Variants in SGCD observed in about 807,000 individuals in gnomAD.
SGCD encodes sarcoglycan delta.
SGCD carries 18 observed loss-of-function variants against 36.6 expected under a neutral mutation model. The observed-to-expected ratio is 0.49, with a 90% CI of 0.34 to 0.73. The LOEUF (loss-of-function observed/expected upper bound fraction) is 0.73, where lower values mean the gene tolerates loss of function less well. Among genes scored for constraint, SGCD ranks in the 30% least tolerant of loss-of-function variants. The pLI is 0.01. For synonymous variants in SGCD, 133 were observed against 130.6 expected (o/e 1.02, Z -0.12); for missense variants, 387 against 346.7 (o/e 1.12, Z -0.92).
chr5:155,736,414 G>A, the SGCD span, among the ~76,000 whole-genome samples: 1 of 152,082 alleles, frequency 6.6e-6, no homozygotes, highest in African/African-American at 2.4e-5. Context: ...TTCTGATTTG[G>A]TATCTAAGGG....
At chr5:156,033,263 G>C (rs1759398775) in intron 1 of SGCD, among the ~76,000 whole-genome samples, 1 of 152,056 alleles carries the variant, frequency 6.6e-6, no homozygotes, top group Admixed American at 6.6e-5. Flanking sequence ...ATATTTAGGG[G>C]ATACAAGTGC....
At chr5:156,283,012 G>T (rs1766494745) in intron 3 of SGCD, among the ~76,000 whole-genome samples, 1 of 152,154 alleles carries the variant, frequency 6.6e-6, no homozygotes, top group Admixed American at 6.6e-5. Flanking sequence ...GATTCCAGGT[G>T]ATTAAATTAG....
At chr5:155,967,172 G>C (rs889685055) in intron 1 of SGCD, among the ~76,000 whole-genome samples, 1 of 151,936 alleles carries the variant, frequency 6.6e-6, no homozygotes, top group African/African-American at 2.4e-5. Flanking sequence ...GCTTGCCTGA[G>C]AACCTAGTAG....
intron 3 of SGCD, among the ~76,000 whole-genome samples, chr5:156,470,628 A>AT (rs1403458951): frequency 6.6e-6 from 1 of 152,026 alleles, no homozygotes; most frequent in African/African-American, 2.4e-5. Flanking sequence ...TTTACTGAGA[A>AT]TTTTTTTCTA....
intron 1 of SGCD, among the ~76,000 whole-genome samples, chr5:156,105,793 T>C (rs1426510461): frequency 6.6e-6 from 1 of 152,044 alleles, no homozygotes; most frequent in African/African-American, 2.4e-5. Context: ...TTCTCTCCTT[T>C]AAGGGATCAC....
intron 3 of SGCD, among the ~76,000 whole-genome samples, chr5:156,126,950 T>C (rs999969939): frequency 2.6e-5 from 4 of 152,216 alleles, no homozygotes; most frequent in Non-Finnish European, 5.9e-5. Context: ...AGAAATCTGT[T>C]TTTGTTTAAT....
At chr5:156,479,054 G>C (rs145411023) in intron 3 of SGCD, among the ~76,000 whole-genome samples, 1 of 152,042 alleles carries the variant, frequency 6.6e-6, no homozygotes, top group African/African-American at 2.4e-5. Flanking sequence ...TTAACATTAA[G>C]ACACTTTTAG....
At chr5:156,275,101 A>G (rs776386644) in intron 3 of SGCD, among the ~76,000 whole-genome samples, 2 of 152,178 alleles carry the variant, frequency 1.3e-5, no homozygotes, top group African/African-American at 2.4e-5. Context: ...CACATAAGAC[A>G]TAGGTGAGGG....
At chr5:156,674,864 G>A (rs1469350561) in intron 7 of SGCD, among the ~76,000 whole-genome samples, 1 of 152,196 alleles carries the variant, frequency 6.6e-6, no homozygotes, top group Non-Finnish European at 1.5e-5. Flanking sequence ...AATTTCAAGA[G>A]GGCGTTTTCA....
At chr5:156,416,534 G>GA (rs942846580) in intron 3 of SGCD, among the ~76,000 whole-genome samples, 1 of 151,890 alleles carries the variant, frequency 6.6e-6, no homozygotes, top group Non-Finnish European at 1.5e-5. Flanking sequence ...AATTTTAAAT[G>GA]AAAAAAATGG....
chr5:156,472,159 C>G (rs1754999984), intron 3 of SGCD, among the ~76,000 whole-genome samples: 1 of 152,132 alleles, frequency 6.6e-6, no homozygotes, highest in Non-Finnish European at 1.5e-5. Context: ...GTTGCTGAGA[C>G]TGTAAAAAAG....
chr5:156,355,225 C>T (rs1435559378), intron 3 of SGCD, among the ~76,000 whole-genome samples: 5 of 152,198 alleles, frequency 3.3e-5, no homozygotes, highest in African/African-American at 4.8e-5. Context: ...GTTCTTTGTG[C>T]CTCACCATAC....
At chr5:156,042,583 G>GTC (rs1298179029) in intron 1 of SGCD, among the ~76,000 whole-genome samples, 7 of 152,166 alleles carry the variant, frequency 4.6e-5, no homozygotes, top group African/African-American at 1.4e-4. Context: ...GGTTTTCAAG[G>GTC]ATAGTTTTGA....
Position 155,973,073 on chromosome 5 carries a change from C to T in SGCD, c.-282+102649C>T, listed in dbSNP as rs534880316. Among the ~76,000 whole-genome samples the T allele has an allele frequency of 5.9e-3, 895 of 152,046 alleles. 6 individuals carry two copies. Among genetic ancestry groups the T allele is most frequent in the South Asian group, 0.03 (144 of 4,818 alleles). On this transcript the variant is annotated intron_variant, in intron 1 of 9. Transcript: ENST00000517913. ...GACAAATGTGTCAATCTTTTTCTTTCTTGGTTTCTGGCTTTACCGCAAGGC... is the reference window on the plus strand; with the variant it reads ...GACAAATGTGTCAATCTTTTTCTTTTTTGGTTTCTGGCTTTACCGCAAGGC...
rs928618202 is a variant in SGCD, at chr5:156,083,355, C to T, written c.-281-34523C>T. ...TGTTGTCCAGGCTGGAGTGCAATGG[C>T]GTGATCTCGGCTCACTGCAGCCTCC... is the stretch of plus-strand genomic sequence containing the variant. On this transcript the variant is annotated intron_variant, in intron 1 of 9. Transcript: ENST00000517913. 8.6e-5 allele frequency among the ~76,000 whole-genome samples: 13 copies of T among 150,660 alleles called. No individual in the cohort carries two copies. The East Asian group carries it at 2.2e-3, about 25-fold the overall frequency.
chr5:156,286,820 T>C (rs1176670632), intron 3 of SGCD, among the ~76,000 whole-genome samples: 1 of 149,956 alleles, frequency 6.7e-6, no homozygotes, highest in Admixed American at 6.6e-5. Flanking sequence ...ACTTAAAGTA[T>C]AATAAAAAAA....
chr5:156,609,681 C>A (rs996691881), intron 6 of SGCD, among the ~76,000 whole-genome samples: 10 of 152,186 alleles, frequency 6.6e-5, no homozygotes, highest in African/African-American at 2.4e-4. Context: ...TTCAGGTACA[C>A]CAATCAGACA....
chr5:156,731,689 A>G (rs1345845112), intron 7 of SGCD, among the ~76,000 whole-genome samples: 4 of 150,814 alleles, frequency 2.7e-5, no homozygotes, highest in Non-Finnish European at 4.5e-5. Context: ...GATTTTTAAA[A>G]TAGTTCTCTA....
chr5:156,069,657 G>A (rs1360003140), intron 1 of SGCD, among the ~76,000 whole-genome samples: 1 of 151,780 alleles, frequency 6.6e-6, no homozygotes, highest in Non-Finnish European at 1.5e-5. Flanking sequence ...CCAGTACTGT[G>A]AAGAAAGTCA....
Sources: allele counts gnomAD v4.1 joint callset (sites outside exome capture counted in the v4.1 genomes callset), GRCh38; gene constraint gnomAD v4.1.1; transcripts MANE v1.5; gene names NCBI Gene and HGNC (gene_info 2026-07-23, HGNC 2026-07-21).